The following CCNY variants were observed in gnomAD, a reference collection of about 807,000 sequenced individuals.
The protein encoded by CCNY is cyclin-Y.
Under a neutral mutation model 42.8 loss-of-function variants are expected in CCNY, and 19 were observed. That is an observed-to-expected ratio of 0.44 (90% CI 0.31 to 0.65). The LOEUF (loss-of-function observed/expected upper bound fraction) is 0.65. Ranked by LOEUF, CCNY falls within the 30% of genes least tolerant of loss-of-function variation. The pLI, the probability that CCNY is intolerant of heterozygous loss-of-function variation, is 0.07. For synonymous variants in CCNY, 165 were observed against 162.7 expected (o/e 1.01, Z -0.11); for missense variants, 370 against 437.3 (o/e 0.85, Z 1.37).
chr10:35,427,136 T>C (rs1471756649), intron 1 of CCNY, among the ~76,000 whole-genome samples: 1 of 152,238 alleles, frequency 6.6e-6, no homozygotes, highest in Admixed American at 6.5e-5. Context: ...TTATTAATGA[T>C]CTTTGAAAAA....
intron 1 of CCNY, among the ~76,000 whole-genome samples, chr10:35,460,694 A>C (rs1839139801): frequency 6.6e-6 from 1 of 152,230 alleles, no homozygotes; most frequent in Admixed American, 6.5e-5. Context: ...TGTGTTATCT[A>C]TTCTGTTGCA....
At chr10:35,481,641 C>G (rs1839671875) in intron 1 of CCNY, among the ~76,000 whole-genome samples, 1 of 152,196 alleles carries the variant, frequency 6.6e-6, no homozygotes, top group African/African-American at 2.4e-5. Context: ...CATGTGGGAA[C>G]TGCATGCATG....
At chr10:35,281,375 T>C (rs1428130777) in intron 3 of CCNY, among the ~76,000 whole-genome samples, 2 of 152,132 alleles carry the variant, frequency 1.3e-5, no homozygotes, top group Admixed American at 6.6e-5. Context: ...CTCAGCTCAC[T>C]GCAACCTCCT....
intron 2 of CCNY, among the ~76,000 whole-genome samples, chr10:35,496,856 G>A (rs1017148810): frequency 6.6e-6 from 1 of 152,176 alleles, no homozygotes; most frequent in African/African-American, 2.4e-5. Context: ...GTGTCCCATA[G>A]CAACTTAAGT....
chr10:35,337,749 AT>A (rs757031569), intron 1 of CCNY, among the ~76,000 whole-genome samples: 1 of 151,790 alleles, frequency 6.6e-6, no homozygotes, highest in African/African-American at 2.4e-5. Flanking sequence ...TTAAAAAATG[AT>A]TTTTTTGAGT....
chr10:35,473,950 G>A (rs1014998602), intron 1 of CCNY, among the ~76,000 whole-genome samples: 8 of 152,316 alleles, frequency 5.3e-5, no homozygotes, highest in African/African-American at 1.7e-4. Context: ...CACCATGCGC[G>A]AGCCGAAGCA....
chr10:35,483,079 A>T (rs188484811), intron 1 of CCNY, among the ~76,000 whole-genome samples: 1 of 151,736 alleles, frequency 6.6e-6, no homozygotes, highest in Non-Finnish European at 1.5e-5. Flanking sequence ...GTTGTAGCAC[A>T]TAACTCTCTT....
chr10:35,346,545 C>T (rs938227126), intron 1 of CCNY, among the ~76,000 whole-genome samples: 6 of 152,218 alleles, frequency 3.9e-5, no homozygotes, highest in Non-Finnish European at 8.8e-5. Flanking sequence ...GTTGCCTTGC[C>T]AGGAAGGTTG....
chr10:35,567,494 G>A lies in CCNY; in HGVS notation c.909+1309G>A, dbSNP rs138610948. On this transcript the variant is annotated intron_variant, in intron 9 of 9. Transcript: ENST00000374704. ...CACCTTTTTTCCCAATCCTGCCTTGGTCTCATCCCATAGAGTGTTTCCGAG... is the reference window on the plus strand; with the variant it reads ...CACCTTTTTTCCCAATCCTGCCTTGATCTCATCCCATAGAGTGTTTCCGAG... Among the ~76,000 whole-genome samples, 490 of 152,246 alleles carry A rather than the reference G, an allele frequency of 3.2e-3. 3 individuals carry two copies. The highest frequency in any genetic ancestry group is 4.9e-3 in the Admixed American group (75 of 15,294).
chr10:35,518,085 C>G lies in CCNY; in HGVS notation c.365+1462C>G, dbSNP rs565088269. On this transcript the variant is annotated intron_variant, in intron 4 of 9. Coordinates refer to ENST00000374704, the MANE Select transcript of CCNY (RefSeq NM_145012.6). ...TTCCCATCCTGGGGCAGCGGGAGCT[C>G]TTGGGATTCACAGGTGGCTCTGTCT... Among the ~76,000 whole-genome samples the G allele has an allele frequency of 7.2e-5, 11 of 152,290 alleles. No individual in the cohort carries two copies. In the South Asian group the frequency reaches 2.1e-3, roughly 29 times the overall value.
At chr10:35,259,495 G>GTTTTTTTTTTTT (rs35988898) in intron 3 of CCNY, among the ~76,000 whole-genome samples, 2 of 65,146 alleles carry the variant, frequency 3.1e-5, no homozygotes, top group Non-Finnish European at 5.3e-5. Context: ...AGTCCTGGTT[G>GTTTTTTTTTTTT]TTTTTTTTTT....
chr10:35,377,751 T>C lies in CCNY; in HGVS notation c.154+40544T>C, dbSNP rs559953239. Among the ~76,000 whole-genome samples the C allele has an allele frequency of 9.6e-4, 146 of 152,368 alleles. 1 individual carries two copies. The South Asian group carries it at 0.013, about 13-fold the overall frequency. Reference sequence around the variant, plus strand: ...ACTAATTTAAAAAATAACATTATAATGTAACCATTATATGTTAACATACAT... The same window carrying C: ...ACTAATTTAAAAAATAACATTATAACGTAACCATTATATGTTAACATACAT... On this transcript the variant is annotated intron_variant, in intron 1 of 9. Transcript: ENST00000374704.
At chr10:35,343,553 C>T (rs11010179) in intron 1 of CCNY, among the ~76,000 whole-genome samples, 1 of 152,026 alleles carries the variant, frequency 6.6e-6, no homozygotes, top group African/African-American at 2.4e-5. Context: ...CCACGTCCGG[C>T]TAATTTTTGT....
chr10:35,268,016 C>T (rs1343722819), intron 3 of CCNY, among the ~76,000 whole-genome samples: 1 of 152,096 alleles, frequency 6.6e-6, no homozygotes, highest in African/African-American at 2.4e-5. Context: ...CCTGCGCCTC[C>T]CAGGCTCAAG....
chr10:35,422,871 A>T (rs1044404529), intron 1 of CCNY, among the ~76,000 whole-genome samples: 1 of 152,194 alleles, frequency 6.6e-6, no homozygotes, highest in African/African-American at 2.4e-5. Flanking sequence ...TCTAGCTAGT[A>T]AAAGGCCTTT....
chr10:35,347,506 G>A, intron 1 of CCNY: 1 of 807,622 alleles, frequency 1.2e-6, no homozygotes, highest in Non-Finnish European at 1.5e-6. Context: ...TGAGTGCAGT[G>A]CTTACAACAT....
At chr10:35,412,860 C>CAAAAAAAAAAAAAAAAAAAAA (rs10558250) in intron 1 of CCNY, among the ~76,000 whole-genome samples, 10 of 34,768 alleles carry the variant, frequency 2.9e-4, no homozygotes, top group African/African-American at 3.0e-4. Flanking sequence ...GACTCTGTCT[C>CAAAAAAAAAAAAAAAAAAAAA]AAAAAAAAAA....
At chr10:35,356,810 T>C (rs1393406058) in intron 1 of CCNY, among the ~76,000 whole-genome samples, 1 of 152,170 alleles carries the variant, frequency 6.6e-6, no homozygotes, top group Non-Finnish European at 1.5e-5. Context: ...TATAATCCTC[T>C]CTCTCTCTCC....
intron 1 of CCNY, among the ~76,000 whole-genome samples, chr10:35,453,035 C>T (rs1838952788): frequency 6.6e-6 from 1 of 152,176 alleles, no homozygotes; most frequent in Admixed American, 6.5e-5. Context: ...ACTGCAGTGG[C>T]ACAATCATCG....
Sources: allele counts gnomAD v4.1 joint callset (sites outside exome capture counted in the v4.1 genomes callset), GRCh38; gene constraint gnomAD v4.1.1; transcripts MANE v1.5; gene names NCBI Gene and HGNC (gene_info 2026-07-23, HGNC 2026-07-21).